Variants in SND1 observed in about 807,000 individuals in gnomAD.
The protein encoded by SND1 is staphylococcal nuclease domain-containing protein 1.
A neutral mutation model predicts 121.7 loss-of-function variants in SND1; 38 were observed. The observed-to-expected ratio is 0.31, with a 90% CI of 0.24 to 0.41. The LOEUF (loss-of-function observed/expected upper bound fraction) is 0.41. Among genes scored for constraint, SND1 ranks in the 10% least tolerant of loss-of-function variants. SND1 has a pLI of 1.00. For missense variants in SND1, 868 were observed against 1,184.6 expected (o/e 0.73, Z 3.92); for synonymous variants, 401 against 447.4 (o/e 0.90, Z 1.31).
At chr7:127,826,588 T>C (rs1190290605) in intron 11 of SND1, among the ~76,000 whole-genome samples, 3 of 152,206 alleles carry the variant, frequency 2.0e-5, no homozygotes, top group African/African-American at 7.2e-5. Context: ...TTGTATTTTA[T>C]CTCATTGAAA....
chr7:127,669,390 G>A (rs1403037538), intron 1 of SND1, among the ~76,000 whole-genome samples: 1 of 152,098 alleles, frequency 6.6e-6, no homozygotes, highest in African/African-American at 2.4e-5. Context: ...TATTTCCTGT[G>A]AGCTGTCAAG....
At chr7:127,725,725 C>T (rs902570392) in intron 10 of SND1, among the ~76,000 whole-genome samples, 4 of 152,106 alleles carry the variant, frequency 2.6e-5, no homozygotes, top group Non-Finnish European at 5.9e-5. Flanking sequence ...TGAAAACTTA[C>T]GGTACCAGAG....
At chr7:127,822,105 T>C (rs1294296312) in intron 11 of SND1, among the ~76,000 whole-genome samples, 1 of 152,198 alleles carries the variant, frequency 6.6e-6, no homozygotes, top group South Asian at 2.1e-4. Context: ...GTTAGAGACC[T>C]TTCTTTTGCC....
At chr7:128,033,648 C>T (rs141707060) in intron 16 of SND1, among the ~76,000 whole-genome samples, 1 of 152,306 alleles carries the variant, frequency 6.6e-6, no homozygotes, top group East Asian at 1.9e-4. Flanking sequence ...CATTCTTTGC[C>T]AAGACCTTTC....
chr7:127,687,021 C>T (rs1248072491), intron 2 of SND1: 8 of 358,176 alleles, frequency 2.2e-5, no homozygotes, highest in Non-Finnish European at 3.5e-5. Flanking sequence ...TTCACTACTA[C>T]TTTTCTTGGA....
chr7:127,715,384 G>A (rs973425941), intron 9 of SND1, among the ~76,000 whole-genome samples: 2 of 152,092 alleles, frequency 1.3e-5, no homozygotes, highest in Non-Finnish European at 2.9e-5. Context: ...TGTTACATGG[G>A]TATATTGTTT....
chr7:127,830,106 G>A (rs1798711618), intron 11 of SND1, among the ~76,000 whole-genome samples: 1 of 151,832 alleles, frequency 6.6e-6, no homozygotes, highest in African/African-American at 2.4e-5. Flanking sequence ...TTGGTGGCCG[G>A]GTGCGGTGGC....
chr7:127,892,944 A>G (rs1290692577), intron 13 of SND1, among the ~76,000 whole-genome samples: 1 of 151,974 alleles, frequency 6.6e-6, no homozygotes, highest in Non-Finnish European at 1.5e-5. Flanking sequence ...TTTGATTCCC[A>G]TATTGACTTT....
intron 16 of SND1, among the ~76,000 whole-genome samples, chr7:128,065,472 G>A (rs1261628957): frequency 1.3e-5 from 2 of 152,238 alleles, no homozygotes; most frequent in African/African-American, 2.4e-5. Context: ...TATAGGTACA[G>A]GTACCTGCAG....
intron 10 of SND1, among the ~76,000 whole-genome samples, chr7:127,749,739 C>T (rs1026590459): frequency 1.3e-5 from 2 of 152,296 alleles, no homozygotes; most frequent in South Asian, 2.1e-4. Context: ...GTTTAAGAGA[C>T]TCTGGGAAAC....
chr7:127,774,617 C>T (rs1246421603), intron 10 of SND1, among the ~76,000 whole-genome samples: 10 of 148,064 alleles, frequency 6.8e-5, no homozygotes, highest in African/African-American at 1.5e-4. Flanking sequence ...CTTTCTCTGT[C>T]GCCCAGGCTG....
chr7:128,062,065 G>T (rs535380957), intron 16 of SND1, among the ~76,000 whole-genome samples: 1 of 152,260 alleles, frequency 6.6e-6, no homozygotes, highest in Non-Finnish European at 1.5e-5. Flanking sequence ...TCTCTCTACT[G>T]TGCCTAAAGG....
At chr7:127,779,657 T>G (rs1797682558) in intron 10 of SND1, among the ~76,000 whole-genome samples, 1 of 152,220 alleles carries the variant, frequency 6.6e-6, no homozygotes, top group African/African-American at 2.4e-5. Context: ...GGGTCAAAAG[T>G]GCTCCATGGA....
chr7:127,672,497 C>CA lies in SND1; in HGVS notation c.79-14116_79-14115insA, dbSNP rs1265690509. Among the ~76,000 whole-genome samples the CA allele has an allele frequency of 5.3e-5, 8 of 152,030 alleles. No individual in the cohort carries two copies. In the East Asian group the frequency reaches 1.5e-3, roughly 29 times the overall value. ...TGGTGGCATGTGCCTGTAGTCCCAG[C>CA]TACTACTCGGGGGGCTGAGACCGGA... On this transcript the variant is annotated intron_variant, in intron 1 of 23. Transcript: ENST00000354725.
At chr7:127,822,278 T>C (rs1398514135) in intron 11 of SND1, among the ~76,000 whole-genome samples, 2 of 152,206 alleles carry the variant, frequency 1.3e-5, no homozygotes, top group African/African-American at 4.8e-5. Context: ...AGTTTAAATT[T>C]CATACATACC....
At chr7:127,819,249 A>G (rs911279100) in intron 11 of SND1, among the ~76,000 whole-genome samples, 6 of 152,206 alleles carry the variant, frequency 3.9e-5, no homozygotes, top group Non-Finnish European at 8.8e-5. Flanking sequence ...CTACATAAAA[A>G]TGAAGAGATG....
intron 15 of SND1, among the ~76,000 whole-genome samples, chr7:127,978,218 A>T (rs1802172229): frequency 6.6e-6 from 1 of 152,222 alleles, no homozygotes; most frequent in Non-Finnish European, 1.5e-5. Flanking sequence ...TAGGACACCT[A>T]GAAGACAGAA....
At chr7:127,733,990 A>G (rs999992040) in intron 10 of SND1, among the ~76,000 whole-genome samples, 2 of 151,966 alleles carry the variant, frequency 1.3e-5, no homozygotes, top group South Asian at 2.1e-4. Flanking sequence ...ATTTTTCACA[A>G]TTGCCAGGTA....
chr7:127,858,201 A>T, intron 12 of SND1: 1 of 787,626 alleles, frequency 1.3e-6, no homozygotes. Context: ...CGCATGGCCA[A>T]CTGTTCCCTC....
Sources: gnomAD v4.1 joint callset for allele counts (sites outside exome capture counted in the v4.1 genomes callset) on GRCh38, gnomAD v4.1.1 for gene constraint, MANE v1.5 for transcripts, NCBI Gene and HGNC (gene_info 2026-07-23, HGNC 2026-07-21) for gene names.